The following PLLP variants were observed in gnomAD, a reference collection of about 807,000 sequenced individuals.
The protein encoded by PLLP is plasmolipin.
Under a neutral mutation model 19.7 loss-of-function variants are expected in PLLP, and 15 were observed. The ratio of observed to expected loss-of-function variants is 0.76; its 90% CI spans 0.51 to 1.17. PLLP has a LOEUF of 1.17. Among genes scored for constraint, PLLP ranks in the 50% most tolerant of loss-of-function variants. The pLI is 0.00. For missense variants in PLLP, 255 were observed against 258.3 expected (o/e 0.99, Z 0.09); for synonymous variants, 111 against 116.3 (o/e 0.95, Z 0.29).
In PLLP at chr16:57,273,706, G is replaced by A. The variant is rs548532042; in HGVS notation, c.135+10700C>T. Among the ~76,000 whole-genome samples the A allele has an allele frequency of 1.6e-4, 25 of 152,268 alleles. No individual in the cohort carries two copies. The South Asian group carries it at 2.5e-3, about 15-fold the overall frequency. On this transcript the variant is annotated intron_variant, in intron 1 of 3. Transcript: ENST00000219207. ...GGAAATCAGGGTCCTAGTCCTCACC[G>A]AATTCTGCCACAAACAACTCACTGG...
At chr16:57,262,141 G>T in intron 1 of PLLP, 71 bp from the exon 2 acceptor site, 2 of 1,466,502 alleles carry the variant, frequency 1.4e-6, no homozygotes, top group South Asian at 1.2e-5. Context: ...AGAAATACTG[G>T]CCAGGCACAG....
intron 2 of PLLP, among the ~76,000 whole-genome samples, chr16:57,260,168 T>G (rs2075437913): frequency 6.6e-6 from 1 of 152,116 alleles, no homozygotes; most frequent in Non-Finnish European, 1.5e-5. Context: ...GTAGCCCCCA[T>G]GCCAGAAAAT....
Position 57,278,272 on chromosome 16 carries a change from G to A in PLLP, c.135+6134C>T, listed in dbSNP as rs947452933. On this transcript the variant is annotated intron_variant, in intron 1 of 3. Coordinates refer to ENST00000219207, the MANE Select transcript of PLLP (RefSeq NM_015993.3). ...GGAGAATGGCGTGAACCCGGGAGGC[G>A]GAGGTTGCAGTGAGCTGAGATTACG... Among the ~76,000 whole-genome samples the A allele has an allele frequency of 5.3e-5, 8 of 152,026 alleles. No individual in the cohort carries two copies. The South Asian group carries it at 8.3e-4, about 16-fold the overall frequency.
chr16:57,266,863 C>CTTTT (rs34562097), intron 1 of PLLP, among the ~76,000 whole-genome samples: 6 of 97,324 alleles, frequency 6.2e-5, no homozygotes, highest in Non-Finnish European at 1.3e-4. Flanking sequence ...GGCACAGGGC[C>CTTTT]TTTTTTTTTT....
At chr16:57,274,581 T>C (rs1258806045) in intron 1 of PLLP, among the ~76,000 whole-genome samples, 1 of 151,364 alleles carries the variant, frequency 6.6e-6, no homozygotes, top group Non-Finnish European at 1.5e-5. Context: ...GCCTCCCGAG[T>C]AGTTGGGACT....
At chr16:57,266,965 A>G (rs2146442736) in intron 1 of PLLP, among the ~76,000 whole-genome samples, 1 of 148,424 alleles carries the variant, frequency 6.7e-6, no homozygotes, top group East Asian at 2.0e-4. Context: ...CGACCTTTGC[A>G]TCTTCAAAGA....
In PLLP at chr16:57,259,990, A is replaced by C. The variant is rs1030576308; in HGVS notation, c.310-1406T>G. ...GGACTTTGTCTAAAAAAAAAAAAAA[A>C]AAAACTTAGGATATCAAAAGATTTC... On this transcript the variant is annotated intron_variant, in intron 2 of 3. Coordinates refer to ENST00000219207, the MANE Select transcript of PLLP (RefSeq NM_015993.3). Among the ~76,000 whole-genome samples the C allele has an allele frequency of 6.6e-5, 10 of 152,018 alleles. 1 individual carries two copies. The South Asian group carries it at 2.1e-3, about 31-fold the overall frequency.
At chr16:57,265,298 A>AC (rs1279193519) in intron 1 of PLLP, among the ~76,000 whole-genome samples, 5 of 152,174 alleles carry the variant, frequency 3.3e-5, no homozygotes, top group Admixed American at 3.3e-4. Flanking sequence ...GAGGCCACGA[A>AC]CCCCCAGAGC....
At chr16:57,263,118 C>T (rs61225183) in intron 1 of PLLP, among the ~76,000 whole-genome samples, 15,929 of 152,252 alleles carry the variant, frequency 0.1, 1,028 homozygotes, top group South Asian at 0.29. Flanking sequence ...TGTGTCCTCC[C>T]TCCCAGCTGG....
intron 1 of PLLP, among the ~76,000 whole-genome samples, chr16:57,279,362 C>CTTTT (rs796106110): frequency 1.6e-4 from 21 of 134,184 alleles, no homozygotes; most frequent in African/African-American, 6.0e-4. Flanking sequence ...CTTCTTCTTC[C>CTTTT]TTTTTTTTTT....
At chr16:57,265,218 G>A (rs2075453446) in intron 1 of PLLP, among the ~76,000 whole-genome samples, 1 of 152,272 alleles carries the variant, frequency 6.6e-6, no homozygotes, top group Non-Finnish European at 1.5e-5. Flanking sequence ...TGGGGGCAGA[G>A]CCCTTACGAG....
intron 1 of PLLP, among the ~76,000 whole-genome samples, chr16:57,263,525 A>G (rs1343385390): frequency 6.6e-6 from 1 of 152,158 alleles, no homozygotes; most frequent in Non-Finnish European, 1.5e-5. Context: ...TTATTATTCC[A>G]CAAGCCCGAA....
chr16:57,262,865 C>T (rs565080909), intron 1 of PLLP, among the ~76,000 whole-genome samples: 17 of 152,254 alleles, frequency 1.1e-4, no homozygotes, highest in African/African-American at 3.9e-4. Flanking sequence ...AGGACACCCC[C>T]ACGCCTCCAG....
Position 57,256,850 on chromosome 16 carries a change from G to A in PLLP, c.*63C>T, listed in dbSNP as rs1477968787. ...GGGCTCCCCAGCTTCAGGCTTGCAG[G>A]GTGACCCTGCTCTGTGACCCAGCGG... On this transcript the variant is annotated 3_prime_UTR_variant, in exon 4 of 4. Transcript: ENST00000219207. The A allele has an allele frequency of 1.8e-6, 2 of 1,121,470 alleles. No homozygotes were observed. Among genetic ancestry groups the A allele is most frequent in the East Asian group, 4.7e-5 (2 of 42,668 alleles). 69.5% of individuals were successfully genotyped at this position (1,121,470 alleles called of 1,614,324 possible).
intron 1 of PLLP, among the ~76,000 whole-genome samples, chr16:57,277,783 T>A (rs1345259404): frequency 6.6e-6 from 1 of 152,022 alleles, no homozygotes; most frequent in Non-Finnish European, 1.5e-5. Context: ...GAAATATGCA[T>A]CCACTCACCC....
chr16:57,265,346 T>C (rs1378050078), intron 1 of PLLP, among the ~76,000 whole-genome samples: 11 of 152,214 alleles, frequency 7.2e-5, no homozygotes, highest in Non-Finnish European at 1.5e-4. Context: ...AACAAACACT[T>C]CGGGCAGCAC....
chr16:57,269,367 C>T (rs529731749), intron 1 of PLLP, among the ~76,000 whole-genome samples: 2 of 152,210 alleles, frequency 1.3e-5, no homozygotes, highest in East Asian at 3.8e-4. Context: ...GGGGAGTCAC[C>T]CAACCTTTCT....
intron 1 of PLLP, among the ~76,000 whole-genome samples, chr16:57,275,278 G>C (rs1439307192): frequency 6.6e-6 from 1 of 152,074 alleles, no homozygotes; most frequent in Non-Finnish European, 1.5e-5. Context: ...TGTCTTCTTT[G>C]AGGGGTGGGG....
rs1252017186 is a variant in PLLP, at chr16:57,256,666, C to T, written c.*247G>A. On this transcript the variant is annotated 3_prime_UTR_variant, in exon 4 of 4. Coordinates refer to ENST00000219207, the MANE Select transcript of PLLP (RefSeq NM_015993.3). ...GACACAGCCTCAGATCCCCCGTCAT[C>T]TTCCACTGAATAAGGGGGATGGAGA... 7 of 490,868 alleles carry T rather than the reference C, an allele frequency of 1.4e-5. No homozygotes were observed. Among genetic ancestry groups the T allele is most frequent in the African/African-American group, 1.4e-4 (7 of 51,636 alleles). 30.4% of individuals were successfully genotyped at this position (490,868 alleles called of 1,614,324 possible).
Sources: gnomAD v4.1 joint callset for allele counts (sites outside exome capture counted in the v4.1 genomes callset) on GRCh38, gnomAD v4.1.1 for gene constraint, MANE v1.5 for transcripts, NCBI Gene and HGNC (gene_info 2026-07-23, HGNC 2026-07-21) for gene names.